Variants in DENND1A observed in about 807,000 individuals in gnomAD.
DENND1A encodes DENN domain containing 1A.
Under a neutral mutation model 113.7 loss-of-function variants are expected in DENND1A, and 51 were observed. The ratio of observed to expected loss-of-function variants is 0.45; its 90% CI spans 0.36 to 0.57. The LOEUF is 0.57. Ranked by LOEUF, DENND1A falls within the 20% of genes least tolerant of loss-of-function variation. The pLI, the probability that DENND1A is intolerant of heterozygous loss-of-function variation, is 0.00. For missense variants in DENND1A, 1,258 were observed against 1,395.9 expected (o/e 0.90, Z 1.57); for synonymous variants, 565 against 570.8 (o/e 0.99, Z 0.14).
At chr9:123,407,167 C>CGG (rs1213276485) in intron 20 of DENND1A, among the ~76,000 whole-genome samples, 5 of 7,664 alleles carry the variant, frequency 6.5e-4, no homozygotes, top group African/African-American at 1.9e-3. Flanking sequence ...GGGGGAGGGG[C>CGG]GGGGGGGTGG....
intron 5 of DENND1A, among the ~76,000 whole-genome samples, chr9:123,716,429 G>A (rs912083700): frequency 1.3e-5 from 2 of 152,166 alleles, no homozygotes; most frequent in African/African-American, 4.8e-5. Flanking sequence ...AAGGAGGGGG[G>A]AACCAAGGGA....
chr9:123,690,883 T>C (rs2065148698), intron 5 of DENND1A, among the ~76,000 whole-genome samples: 1 of 152,238 alleles, frequency 6.6e-6, no homozygotes, highest in Non-Finnish European at 1.5e-5. Context: ...CGGAAGTTTG[T>C]ACTCTCTAAC....
chr9:123,762,180 G>A (rs1473883993), intron 4 of DENND1A, among the ~76,000 whole-genome samples: 1 of 152,112 alleles, frequency 6.6e-6, no homozygotes, highest in Non-Finnish European at 1.5e-5. Context: ...TAAGGTATGC[G>A]AGGAATTCAG....
chr9:123,732,206 A>C (rs1159654330), intron 5 of DENND1A, among the ~76,000 whole-genome samples: 1 of 152,230 alleles, frequency 6.6e-6, no homozygotes, highest in Non-Finnish European at 1.5e-5. Context: ...GTCCAAAAGA[A>C]ACAAAAACTT....
At chr9:123,540,251 A>G (rs1340426828) in intron 13 of DENND1A, among the ~76,000 whole-genome samples, 1 of 152,220 alleles carries the variant, frequency 6.6e-6, no homozygotes, top group East Asian at 1.9e-4. Flanking sequence ...CTTCACACCA[A>G]TCCTGTGAGG....
chr9:123,812,935 T>C (rs1445363479), intron 2 of DENND1A, among the ~76,000 whole-genome samples: 1 of 152,152 alleles, frequency 6.6e-6, no homozygotes, highest in African/African-American at 2.4e-5. Context: ...TCAAGTCTTT[T>C]TCAACATGGT....
chr9:123,857,915 T>C (rs1190813566), intron 2 of DENND1A, among the ~76,000 whole-genome samples: 1 of 151,830 alleles, frequency 6.6e-6, no homozygotes, highest in Non-Finnish European at 1.5e-5. Context: ...AAAAATTAGC[T>C]GGGCGTGGTG....
chr9:123,719,624 A>C (rs1038131706), intron 5 of DENND1A, among the ~76,000 whole-genome samples: 4 of 151,514 alleles, frequency 2.6e-5, no homozygotes, highest in Admixed American at 6.6e-5. Context: ...GAAGTGTTAA[A>C]GGTTTTCAGA....
chr9:123,924,457 T>A (rs1447200869), intron 1 of DENND1A, among the ~76,000 whole-genome samples: 1 of 151,046 alleles, frequency 6.6e-6, no homozygotes, highest in Non-Finnish European at 1.5e-5. Context: ...TCATCAGGAG[T>A]TTGAGACTAG....
At chr9:123,385,323 C>T (rs1416802799) in intron 22 of DENND1A, among the ~76,000 whole-genome samples, 1 of 152,170 alleles carries the variant, frequency 6.6e-6, no homozygotes. Context: ...TGCCTTTTGC[C>T]TGGCTAATTT....
chr9:123,847,483 G>GA (rs1305601171), intron 2 of DENND1A, among the ~76,000 whole-genome samples: 1 of 152,154 alleles, frequency 6.6e-6, no homozygotes, highest in Non-Finnish European at 1.5e-5. Context: ...AGCAATATAG[G>GA]AAGCCAGAAG....
At chr9:123,464,908 G>C (rs1340058819) in intron 13 of DENND1A, among the ~76,000 whole-genome samples, 1 of 150,638 alleles carries the variant, frequency 6.6e-6, no homozygotes. Context: ...CAGCACTGTG[G>C]GAGGCCGAGG....
intron 13 of DENND1A, among the ~76,000 whole-genome samples, chr9:123,539,557 G>T (rs2056115866): frequency 6.6e-6 from 1 of 152,008 alleles, no homozygotes; most frequent in Non-Finnish European, 1.5e-5. Flanking sequence ...GGAAAGAGTT[G>T]GGATGAAAGG....
intron 5 of DENND1A, among the ~76,000 whole-genome samples, chr9:123,704,231 A>G (rs1246924413): frequency 6.6e-6 from 1 of 152,200 alleles, no homozygotes; most frequent in Non-Finnish European, 1.5e-5. Flanking sequence ...CCAAACCATG[A>G]ACACTTTGAG....
At chr9:123,785,914 T>C (rs894450818) in intron 3 of DENND1A, among the ~76,000 whole-genome samples, 1 of 152,100 alleles carries the variant, frequency 6.6e-6, no homozygotes, top group Admixed American at 6.6e-5. Context: ...CAGTGACTCT[T>C]AGAAAAGCAC....
intron 10 of DENND1A, among the ~76,000 whole-genome samples, chr9:123,612,144 G>A (rs1016681433): frequency 1.3e-5 from 2 of 152,178 alleles, no homozygotes; most frequent in African/African-American, 2.4e-5. Flanking sequence ...CATCATTTAC[G>A]TATCAAGCCT....
intron 2 of DENND1A, among the ~76,000 whole-genome samples, chr9:123,819,601 G>A (rs1425554213): frequency 2.6e-5 from 4 of 152,122 alleles, no homozygotes; most frequent in African/African-American, 4.8e-5. Flanking sequence ...TCAGTGGCAC[G>A]ATCTTGGCTC....
rs116367589 is a variant in DENND1A, at chr9:123,572,989, T to G, written c.867+10180A>C. On this transcript the variant is annotated intron_variant, in intron 12 of 23. Transcript: ENST00000394215. ...TTTGCATGAGGTAAAAGTCAAGGCT[T>G]CTTTTTTTTCCATATAGATATCCAG... Among the ~76,000 whole-genome samples the G allele has an allele frequency of 4.4e-3, 669 of 152,246 alleles. 5 individuals are homozygous for G. Among genetic ancestry groups the G allele is most frequent in the African/African-American group, 0.016 (646 of 41,536 alleles).
At chr9:123,471,332 G>A (rs971707103) in intron 13 of DENND1A, among the ~76,000 whole-genome samples, 6 of 152,184 alleles carry the variant, frequency 3.9e-5, no homozygotes, top group African/African-American at 1.4e-4. Flanking sequence ...TCACAGGGCT[G>A]TGTGGGGATT....
Sources: allele counts gnomAD v4.1 joint callset (sites outside exome capture counted in the v4.1 genomes callset), GRCh38; gene constraint gnomAD v4.1.1; transcripts MANE v1.5; gene names NCBI Gene and HGNC (gene_info 2026-07-23, HGNC 2026-07-21).